The following GREB1L variants were observed in gnomAD, a reference collection of about 807,000 sequenced individuals.
GREB1L encodes the protein GREB1-like protein.
Under a neutral mutation model 200.8 loss-of-function variants are expected in GREB1L, and 17 were observed. The observed-to-expected ratio is 0.08, with a 90% CI of 0.06 to 0.13. GREB1L has a LOEUF of 0.13. Among genes scored for constraint, GREB1L ranks in the 10% least tolerant of loss-of-function variants. GREB1L has a pLI of 1.00. For missense variants in GREB1L, 1,657 were observed against 2,367.7 expected, an observed-to-expected ratio of 0.70 and a Z score of 6.23; for synonymous variants, 789 against 893.0, an observed-to-expected ratio of 0.88 and a Z score of 2.08.
chr18:21,386,469 T>G (rs988992032), intron 4 of GREB1L, among the ~76,000 whole-genome samples: 6 of 151,958 alleles, frequency 3.9e-5, no homozygotes, highest in Non-Finnish European at 8.8e-5. Flanking sequence ...TTTTGTATTT[T>G]TAGTAGAGAT....
chr18:21,242,988 TCAACAC>T (rs1384604659), intron 1 of GREB1L, among the ~76,000 whole-genome samples: 1 of 152,056 alleles, frequency 6.6e-6, no homozygotes, highest in African/African-American at 2.4e-5. Flanking sequence ...GTTTTTTTCC[TCAACAC>T]CAAATGTCAC....
At chr18:21,327,918 G>A (rs2039048012) in intron 1 of GREB1L, among the ~76,000 whole-genome samples, 2 of 151,996 alleles carry the variant, frequency 1.3e-5, no homozygotes. Flanking sequence ...GTTTCACCAT[G>A]TTGGCCAGAA....
intron 13 of GREB1L, among the ~76,000 whole-genome samples, chr18:21,451,699 G>T (rs1671127592): frequency 6.6e-6 from 1 of 151,478 alleles, no homozygotes; most frequent in African/African-American, 2.4e-5. Context: ...TCCCTTTGTT[G>T]CCCAGACTGG....
At chr18:21,253,249 ATTTTTTTTT>A (rs66924517) in intron 1 of GREB1L, among the ~76,000 whole-genome samples, 8 of 127,162 alleles carry the variant, frequency 6.3e-5, no homozygotes, top group African/African-American at 8.9e-5. Context: ...TATTTCAAGA[ATTTTTTTTT>A]TTTTTTTTTT....
chr18:21,516,027 C>T lies in GREB1L; in HGVS notation c.5129+383C>T, dbSNP rs1030038833. 2.6e-5 allele frequency among the ~76,000 whole-genome samples: 4 copies of T among 151,406 alleles called. No homozygotes were observed. In the East Asian group the frequency reaches 8.2e-4, roughly 31 times the overall value. The stretch of plus-strand genomic sequence containing the variant: ...GTTAGACTAAGCCCTCCTTCACCCT[C>T]CAGACTCAGAAGGAAATCAATTTTC... On this transcript the variant is annotated intron_variant, in intron 29 of 32. Coordinates refer to ENST00000424526, the MANE Select transcript of GREB1L (RefSeq NM_001142966.3).
intron 1 of GREB1L, among the ~76,000 whole-genome samples, chr18:21,343,133 GA>G (rs544057615): frequency 1.3e-3 from 188 of 139,608 alleles, no homozygotes; most frequent in East Asian, 3.5e-3. Flanking sequence ...TTCTTATCTG[GA>G]AAAAAAAAAA....
intron 23 of GREB1L, among the ~76,000 whole-genome samples, chr18:21,502,395 G>A (rs2036835567): frequency 6.6e-6 from 1 of 152,110 alleles, no homozygotes; most frequent in African/African-American, 2.4e-5. Flanking sequence ...TCTCAAAGAT[G>A]AGTCTGGAAT....
intron 14 of GREB1L, among the ~76,000 whole-genome samples, chr18:21,452,771 A>G (rs955641164): frequency 1.3e-5 from 2 of 152,232 alleles, no homozygotes; most frequent in Non-Finnish European, 2.9e-5. Flanking sequence ...ATTTGGGTTC[A>G]GATTTCTTCC....
intron 7 of GREB1L, among the ~76,000 whole-genome samples, chr18:21,406,952 G>A (rs920085602): frequency 6.9e-6 from 1 of 145,888 alleles, no homozygotes; most frequent in African/African-American, 2.6e-5. Context: ...TCAGCTCACT[G>A]CAATCTCCGC....
chr18:21,506,802 A>G (rs2037038065), intron 25 of GREB1L, among the ~76,000 whole-genome samples: 1 of 152,254 alleles, frequency 6.6e-6, no homozygotes. Context: ...ACATGGGCCA[A>G]TAACCCTTAG....
chr18:21,490,141 G>A lies in GREB1L; in HGVS notation c.2820G>A (p.Met940Ile). Residue 940 changes from methionine to isoleucine, a missense_variant, in exon 19 of 33, where the codon ATG becomes ATA. Transcript: ENST00000424526. Reference protein sequence around the residue: ...DHSTPETLSIMDDLISSPGKN... With the variant: ...DHSTPETLSIIDDLISSPGKN... ...GCACACCAGAAACACTCAGCATTAT[G>A]GATGACCTCATCAGCTCCCCAGGCA... is the stretch of plus-strand genomic sequence containing the variant. 1 of 1,551,776 alleles carries A rather than the reference G, an allele frequency of 6.4e-7. No homozygotes were observed. Among genetic ancestry groups the A allele is most frequent in the South Asian group, 1.2e-5 (1 of 84,040 alleles).
chr18:21,509,353 C>A (rs534211611), intron 27 of GREB1L, among the ~76,000 whole-genome samples: 67 of 152,308 alleles, frequency 4.4e-4, no homozygotes, highest in Middle Eastern at 3.4e-3. Flanking sequence ...GCTGCTTGTT[C>A]CCATTTTAAA....
At chr18:21,408,848 C>T (rs2030617162) in intron 7 of GREB1L, among the ~76,000 whole-genome samples, 1 of 150,268 alleles carries the variant, frequency 6.7e-6, no homozygotes, top group Admixed American at 6.6e-5. Flanking sequence ...TCTAGAACAG[C>T]TGTCATAAAA....
At chr18:21,457,938 A>G (rs1420869796) in intron 15 of GREB1L, among the ~76,000 whole-genome samples, 3 of 148,492 alleles carry the variant, frequency 2.0e-5, no homozygotes, top group Non-Finnish European at 4.4e-5. Flanking sequence ...GAGATCACAG[A>G]GGGTAGTACC....
At chr18:21,350,238 C>CTTTTT (rs1019497941) in intron 1 of GREB1L, among the ~76,000 whole-genome samples, 2 of 133,292 alleles carry the variant, frequency 1.5e-5, no homozygotes, top group African/African-American at 5.5e-5. Flanking sequence ...TTCTTTCTTT[C>CTTTTT]TTTTTTTTTT....
At chr18:21,283,845 G>T (rs2038310797) in intron 1 of GREB1L, among the ~76,000 whole-genome samples, 1 of 152,154 alleles carries the variant, frequency 6.6e-6, no homozygotes, top group Admixed American at 6.5e-5. Context: ...GGATCAACTT[G>T]GTTCCTAAGG....
At chr18:21,245,206 C>CA (rs1171349639) in intron 1 of GREB1L, among the ~76,000 whole-genome samples, 1 of 152,060 alleles carries the variant, frequency 6.6e-6, no homozygotes, top group Non-Finnish European at 1.5e-5. Flanking sequence ...GCGATGATTG[C>CA]AAAAAGTGTT....
chr18:21,395,085 G>A (rs1317641513), intron 4 of GREB1L, among the ~76,000 whole-genome samples: 4 of 131,244 alleles, frequency 3.0e-5, no homozygotes, highest in South Asian at 2.4e-4. Flanking sequence ...CAGCCTGGGC[G>A]ACAGGGCGAG....
At chr18:21,396,730 T>C (rs755713419) in intron 5 of GREB1L, among the ~76,000 whole-genome samples, 1 of 152,210 alleles carries the variant, frequency 6.6e-6, no homozygotes, top group Non-Finnish European at 1.5e-5. Context: ...TGACTTTATC[T>C]AGAATTATTT....
Sources: allele counts gnomAD v4.1 joint callset (sites outside exome capture counted in the v4.1 genomes callset), GRCh38; gene constraint gnomAD v4.1.1; transcripts MANE v1.5; gene names NCBI Gene and HGNC (gene_info 2026-07-23, HGNC 2026-07-21).